The following PAX5 variants were observed in gnomAD, a reference collection of about 807,000 sequenced individuals.
PAX5 encodes the protein paired box 5, also known as paired box protein Pax-5.
In PAX5, 9 loss-of-function variants were observed where a neutral mutation model predicts 43.7. The ratio of observed to expected loss-of-function variants is 0.21; its 90% confidence interval spans 0.12 to 0.36. The LOEUF (loss-of-function observed/expected upper bound fraction) is 0.36, where lower values mean the gene tolerates loss of function less well. Ranked by LOEUF, PAX5 falls within the 10% of genes least tolerant of loss-of-function variation. The pLI is 1.00. For synonymous variants in PAX5, 228 were observed against 214.3 expected (o/e 1.06, Z -0.56); for missense variants, 383 against 532.7 (o/e 0.72, Z 2.77).
At chr9:36,932,375 G>A (rs1350655326) in intron 6 of PAX5, among the ~76,000 whole-genome samples, 1 of 152,152 alleles carries the variant, frequency 6.6e-6, no homozygotes. Context: ...ATAAAATGTG[G>A]TATATCTACA....
intron 6 of PAX5, among the ~76,000 whole-genome samples, chr9:36,932,771 G>A (rs570083315): frequency 6.6e-6 from 1 of 152,232 alleles, no homozygotes; most frequent in South Asian, 2.1e-4. Flanking sequence ...TGTGTCGGGG[G>A]AGGGATATCA....
chr9:37,020,491 G>A, intron 2 of PAX5, 145 bp downstream of exon 2: 10 of 809,332 alleles, frequency 1.2e-5, no homozygotes, highest in Non-Finnish European at 2.0e-5. Context: ...TGGAATTGGG[G>A]CTTTGCAGAC....
At chr9:36,998,304 A>T (rs1837563140) in intron 5 of PAX5, among the ~76,000 whole-genome samples, 1 of 152,160 alleles carries the variant, frequency 6.6e-6, no homozygotes, top group Non-Finnish European at 1.5e-5. Flanking sequence ...TCTATACTGA[A>T]AGGGCCCTTC....
Position 36,838,970 on chromosome 9 carries a change from A to G in PAX5, c.*1590T>C. ...TCTGCCATCCTGGTGACATACAGAT[A>G]TGGGGGACATTGTCACCTAAGAAGG... On this transcript the variant is annotated 3_prime_UTR_variant, in exon 10 of 10. Transcript: ENST00000358127. 4.3e-6 allele frequency: 1 copy of G among 233,348 alleles called. No homozygotes were observed. Among genetic ancestry groups the G allele is most frequent in the South Asian group, 1.8e-4 (1 of 5,528 alleles). 14.5% of individuals were successfully genotyped at this position (233,348 alleles called of 1,614,324 possible).
chr9:36,946,952 C>T (rs567109865), intron 6 of PAX5, among the ~76,000 whole-genome samples: 1 of 152,304 alleles, frequency 6.6e-6, no homozygotes, highest in East Asian at 1.9e-4. Flanking sequence ...TTTTCCAAAT[C>T]CCAAAAACCC....
chr9:36,982,274 A>G (rs1437450953), intron 5 of PAX5, among the ~76,000 whole-genome samples: 1 of 152,158 alleles, frequency 6.6e-6, no homozygotes. Flanking sequence ...AAAAAAAATA[A>G]AAAAATAAAA....
intron 7 of PAX5, among the ~76,000 whole-genome samples, chr9:36,909,029 C>T (rs1198107018): frequency 2.6e-5 from 4 of 152,150 alleles, no homozygotes; most frequent in Non-Finnish European, 5.9e-5. Flanking sequence ...TACGAAGATG[C>T]TTGAGTTTCA....
chr9:36,917,039 T>C (rs1406976203), intron 7 of PAX5, among the ~76,000 whole-genome samples: 2 of 152,152 alleles, frequency 1.3e-5, no homozygotes, highest in African/African-American at 4.8e-5. Flanking sequence ...ATATATTATA[T>C]TGATAATTAG....
intron 5 of PAX5, among the ~76,000 whole-genome samples, chr9:36,973,243 C>G (rs1459280085): frequency 6.6e-6 from 1 of 152,116 alleles, no homozygotes; most frequent in Non-Finnish European, 1.5e-5. Flanking sequence ...ACAACACCCC[C>G]ACCTTACCCC....
intron 5 of PAX5, among the ~76,000 whole-genome samples, chr9:36,978,298 C>T (rs747173995): frequency 6.6e-6 from 1 of 152,168 alleles, no homozygotes. Flanking sequence ...GGATGTTAAC[C>T]GCCATAGTGA....
rs1317470418 is a variant in PAX5, at chr9:36,882,419, G to A, written c.911-314C>T. On this transcript the variant is annotated intron_variant, in intron 7 of 9. Coordinates refer to ENST00000358127, the MANE Select transcript of PAX5 (RefSeq NM_016734.3). The surrounding 1 kb of genome is among the most constrained non-coding windows in gnomAD (Gnocchi z 4.4). ...GGCTAGGCAATGCAGGTGACAGCAC[G>A]CCCCGACTCCAGCCAGCTCTCCCTA... Among the ~76,000 whole-genome samples the A allele has an allele frequency of 6.6e-6, 1 of 152,048 alleles. No homozygotes were observed. Among genetic ancestry groups the A allele is most frequent in the Non-Finnish European group, 1.5e-5 (1 of 67,990 alleles).
chr9:36,882,774 G>A lies in PAX5; in HGVS notation c.911-669C>T, dbSNP rs939161161. On this transcript the variant is annotated intron_variant, in intron 7 of 9. Transcript: ENST00000358127. The surrounding 1 kb of genome is among the most constrained non-coding windows in gnomAD (Gnocchi z 4.4). Reference sequence around the variant, plus strand: ...CTGGCCCTGGGACATGGAGGTTAAGGCCTCAGCCCTCAAGGCGTGCACACT... The same window carrying A: ...CTGGCCCTGGGACATGGAGGTTAAGACCTCAGCCCTCAAGGCGTGCACACT... Among the ~76,000 whole-genome samples, 2 of 152,228 alleles carry A rather than the reference G, an allele frequency of 1.3e-5. No individual in the cohort carries two copies. The highest frequency in any genetic ancestry group is 2.9e-5 in the Non-Finnish European group (2 of 68,038).
chr9:37,014,925 G>T (rs1303228292), intron 3 of PAX5, 72 bp downstream of exon 3: 2 of 1,376,386 alleles, frequency 1.5e-6, no homozygotes, highest in African/African-American at 1.4e-5. Flanking sequence ...TTCAGGAAAG[G>T]CACATGCAGA....
chr9:37,029,583 A>G (rs546700712), intron 1 of PAX5, among the ~76,000 whole-genome samples: 1 of 152,344 alleles, frequency 6.6e-6, no homozygotes, highest in African/African-American at 2.4e-5. Context: ...GGGATGGAAT[A>G]GACTTCCTGC....
intron 6 of PAX5, among the ~76,000 whole-genome samples, chr9:36,958,162 T>C (rs1833651997): frequency 6.6e-6 from 1 of 152,180 alleles, no homozygotes; most frequent in Non-Finnish European, 1.5e-5. Context: ...CATGTGGGCG[T>C]CATACTCATC....
intron 5 of PAX5, among the ~76,000 whole-genome samples, chr9:36,967,899 A>T (rs527862816): frequency 6.6e-6 from 1 of 152,354 alleles, no homozygotes; most frequent in South Asian, 2.1e-4. Flanking sequence ...TCTGGTGATG[A>T]TGCTTACATG....
chr9:36,970,271 G>T (rs1454288648), intron 5 of PAX5, among the ~76,000 whole-genome samples: 2 of 152,186 alleles, frequency 1.3e-5, no homozygotes, highest in Admixed American at 1.3e-4. Context: ...ACCGTGAGGA[G>T]TGACCAGGGA....
At chr9:37,018,882 C>T (rs72735677) in intron 2 of PAX5, among the ~76,000 whole-genome samples, 2,981 of 152,274 alleles carry the variant, frequency 0.02, 41 homozygotes, top group Middle Eastern at 0.044. Flanking sequence ...TTTGGAGGCT[C>T]CAGAGCACCA....
intron 8 of PAX5, among the ~76,000 whole-genome samples, chr9:36,874,291 T>A (rs1825731997): frequency 6.6e-6 from 1 of 152,214 alleles, no homozygotes; most frequent in African/African-American, 2.4e-5. Context: ...TCTTGGGGCA[T>A]CTGCATATTT....
Sources: allele counts gnomAD v4.1 joint callset (sites outside exome capture counted in the v4.1 genomes callset), GRCh38; gene constraint gnomAD v4.1.1; non-coding constraint Gnocchi (gnomAD v3.1); transcripts MANE v1.5; gene names NCBI Gene and HGNC (gene_info 2026-07-23, HGNC 2026-07-21).